Variants in PIK3R4 observed in about 807,000 individuals in gnomAD.
PIK3R4 encodes the protein phosphoinositide 3-kinase regulatory subunit 4.
PIK3R4 carries 46 observed loss-of-function variants against 136.5 expected under a neutral mutation model. The ratio of observed to expected loss-of-function variants is 0.34; its 90% CI spans 0.27 to 0.43. PIK3R4 has a LOEUF of 0.43. PIK3R4 is among the 20% of genes least tolerant of loss of function. The pLI is 1.00. For synonymous variants in PIK3R4, 557 were observed against 566.7 expected (o/e 0.98, Z 0.24); for missense variants, 1,331 against 1,649.5 (o/e 0.81, Z 3.35).
intron 11 of PIK3R4, 31 bp downstream of exon 11, chr3:130,706,917 T>C (rs1370276188): frequency 6.4e-7 from 1 of 1,553,964 alleles, no homozygotes; most frequent in Non-Finnish European, 8.7e-7. Context: ...TCAAAGACAT[T>C]AGGAGGACTA....
intron 8 of PIK3R4, among the ~76,000 whole-genome samples, chr3:130,718,054 T>A (rs1001034669): frequency 6.6e-6 from 1 of 152,216 alleles, no homozygotes; most frequent in African/African-American, 2.4e-5. Flanking sequence ...AGTTATACTT[T>A]TTAAAATAAA....
In PIK3R4 at chr3:130,744,892, A is replaced by G. The variant is rs762490537; in HGVS notation, c.327T>C (p.Asn109=). 1 of 1,614,186 alleles carries G rather than the reference A, an allele frequency of 6.2e-7. No individual in the cohort carries two copies. Among genetic ancestry groups the G allele is most frequent in the Non-Finnish European group, 8.5e-7 (1 of 1,180,022 alleles). Reference sequence around the variant, plus strand: ...GACGGGTACTGATGCGATCATAGAGATTGTCTCGCACATACTGCCTAAAGA... The same window carrying G: ...GACGGGTACTGATGCGATCATAGAGGTTGTCTCGCACATACTGCCTAAAGA... ...AMLFRQYVRD[N]LYDRISTRPF... The change falls in exon 2 of 20, where the codon AAT becomes AAC. Residue 109 remains asparagine (N), a synonymous_variant. Transcript: ENST00000356763.
Position 130,707,049 on chromosome 3 carries a change from C to A in PIK3R4, c.2620G>T (p.Ala874Ser), listed in dbSNP as rs755896196. ...TCCTGATCACTCCCTTTAGGTAGGG[C>A]CTGTGGCATGTTTGGTGGGTCCAGT... ...GSLDPPNMPQ[A>S]LPKGSDQEVI... is the part of the protein sequence containing the mutation. The change falls in exon 11 of 20, where the codon GCC (alanine) becomes TCC (serine). Residue 874 changes from alanine (A) to serine (S), a missense_variant. Physicochemically the swap from Ala to Ser is moderately conservative, Grantham distance 99. Coordinates refer to ENST00000356763, the MANE Select transcript of PIK3R4 (RefSeq NM_014602.3). 64 of 1,612,628 alleles carry A rather than the reference C, an allele frequency of 4.0e-5. No homozygotes were observed. In the African/African-American group the frequency reaches 6.8e-4, roughly 17 times the overall value.
intron 16 of PIK3R4, among the ~76,000 whole-genome samples, chr3:130,684,028 G>A (rs2066474104): frequency 6.6e-6 from 1 of 152,110 alleles, no homozygotes; most frequent in Non-Finnish European, 1.5e-5. Context: ...GATAGGAGAT[G>A]GTGGTGGACA....
At chr3:130,732,236 A>G (rs1366747637) in intron 4 of PIK3R4, among the ~76,000 whole-genome samples, 2 of 152,218 alleles carry the variant, frequency 1.3e-5, no homozygotes, top group East Asian at 3.8e-4. Flanking sequence ...GCTAACCCTT[A>G]CAACAACCTA....
chr3:130,716,878 A>G (rs2066667971), intron 8 of PIK3R4, among the ~76,000 whole-genome samples: 3 of 152,216 alleles, frequency 2.0e-5, no homozygotes, highest in South Asian at 4.1e-4. Flanking sequence ...AGCCTTTTCT[A>G]GATCCCAATA....
chr3:130,723,014 A>G lies in PIK3R4; in HGVS notation c.1981+400T>C, dbSNP rs1411455915. Among the ~76,000 whole-genome samples the G allele has an allele frequency of 2.2e-5, 3 of 137,562 alleles. No homozygotes were observed. The East Asian group carries it at 7.2e-4, about 33-fold the overall frequency. The allele number at this position is 137,562 out of a possible 152,430, so 90.2% of individuals were successfully genotyped here. A position where few individuals can be genotyped will look rare whatever the true frequency, so the allele number is the denominator to read the frequency against. On this transcript the variant is annotated intron_variant, in intron 7 of 19. Transcript: ENST00000356763. The stretch of plus-strand genomic sequence containing the variant: ...CAGAGGTGGAGGTTGCAGTGAGCCA[A>G]GATCACACACTGTACTCCAGCCTGG...
intron 11 of PIK3R4, among the ~76,000 whole-genome samples, chr3:130,706,482 T>TA (rs1409651854): frequency 4.6e-5 from 7 of 152,182 alleles, no homozygotes; most frequent in Admixed American, 3.9e-4. Context: ...TCACACCATA[T>TA]AAACTCACAA....
chr3:130,743,142 A>G (rs1267844209), intron 2 of PIK3R4, among the ~76,000 whole-genome samples: 1 of 152,144 alleles, frequency 6.6e-6, no homozygotes, highest in Non-Finnish European at 1.5e-5. Context: ...TAGGTGTGGT[A>G]GTTCATGCCT....
chr3:130,718,823 T>C (rs1364097256), intron 7 of PIK3R4, among the ~76,000 whole-genome samples: 1 of 152,180 alleles, frequency 6.6e-6, no homozygotes, highest in African/African-American at 2.4e-5. Context: ...TAAAATTGTG[T>C]GGGCACCTAC....
At chr3:130,697,279 G>A (rs948077459) in intron 13 of PIK3R4, among the ~76,000 whole-genome samples, 2 of 151,886 alleles carry the variant, frequency 1.3e-5, no homozygotes, top group African/African-American at 4.8e-5. Context: ...TGCCATGTTG[G>A]CCAGGCTAGT....
rs1427628669 is a variant in PIK3R4 at position 130,716,614 on chromosome 3, T to C, written c.2128-15A>G. 1 of 1,565,472 alleles carries C rather than the reference T, an allele frequency of 6.4e-7. No homozygotes were observed. Among genetic ancestry groups the C allele is most frequent in the Non-Finnish European group, 8.7e-7 (1 of 1,147,206 alleles). ...TTTCTTTCAATCTATATTGGAAAAATAAAAAGGATCAGCCAAAAATATAAC... is the reference window on the plus strand; with the variant it reads ...TTTCTTTCAATCTATATTGGAAAAACAAAAAGGATCAGCCAAAAATATAAC... On this transcript the variant is annotated splice_polypyrimidine_tract_variant and intron_variant, in intron 8 of 19. Coordinates refer to ENST00000356763, the MANE Select transcript of PIK3R4 (RefSeq NM_014602.3).
chr3:130,709,321 C>T (rs2066622203), intron 9 of PIK3R4, among the ~76,000 whole-genome samples: 1 of 152,030 alleles, frequency 6.6e-6, no homozygotes, highest in Non-Finnish European at 1.5e-5. Flanking sequence ...CCACAGAATC[C>T]TCTAGTACAT....
At chr3:130,712,120 C>A (rs2066635964) in intron 9 of PIK3R4, among the ~76,000 whole-genome samples, 1 of 152,032 alleles carries the variant, frequency 6.6e-6, no homozygotes, top group Non-Finnish European at 1.5e-5. Flanking sequence ...GTACAGATTC[C>A]AACTCCCATA....
At chr3:130,701,726 A>C (rs1293651098) in intron 13 of PIK3R4, among the ~76,000 whole-genome samples, 1 of 152,102 alleles carries the variant, frequency 6.6e-6, no homozygotes, top group East Asian at 1.9e-4. Flanking sequence ...ATAGCATACA[A>C]ATTTTATATC....
intron 2 of PIK3R4, among the ~76,000 whole-genome samples, chr3:130,736,378 G>T (rs547817339): frequency 6.6e-6 from 1 of 152,230 alleles, no homozygotes; most frequent in East Asian, 1.9e-4. Context: ...AGACCAGCCT[G>T]GTCAACATGA....
chr3:130,735,696 A>G (rs2066782208), intron 3 of PIK3R4, among the ~76,000 whole-genome samples, 173 bp downstream of exon 3: 1 of 152,148 alleles, frequency 6.6e-6, no homozygotes, highest in Admixed American at 6.5e-5. Context: ...CCTGAAGGGG[A>G]AAAAAACAGT....
At position 130,708,314 on chromosome 3, in the gene PIK3R4, T is replaced by C; in HGVS notation, c.2510A>G (p.Lys837Arg). 6.2e-7 allele frequency: 1 copy of C among 1,613,708 alleles called. No homozygotes were observed. Among genetic ancestry groups the C allele is most frequent in the East Asian group, 2.2e-5 (1 of 44,850 alleles). ...TGRQVDLVKT[K>R]QEPDDKRARK... Reference sequence around the variant, plus strand: ...ACCCCGTTTGTCATCTGGTTCTTGTTTGGTTTTAACAAGATCAACTTGTCT... The same window carrying C: ...ACCCCGTTTGTCATCTGGTTCTTGTCTGGTTTTAACAAGATCAACTTGTCT... Residue 837 changes from lysine to arginine, a missense_variant, in exon 10 of 20, where the codon AAA (lysine) becomes AGA (arginine). Lys to Arg is a conservative substitution (Grantham distance 26). Coordinates refer to ENST00000356763, the MANE Select transcript of PIK3R4 (RefSeq NM_014602.3).
chr3:130,743,173 A>G (rs6793931), intron 2 of PIK3R4, among the ~76,000 whole-genome samples: 45,229 of 151,818 alleles, frequency 0.3, 7,873 homozygotes, highest in African/African-American at 0.47. Flanking sequence ...TACTTTGGAA[A>G]CTTGAGGTGG....
Sources: gnomAD v4.1 joint callset for allele counts (sites outside exome capture counted in the v4.1 genomes callset) on GRCh38, gnomAD v4.1.1 for gene constraint, MANE v1.5 for transcripts, NCBI Gene and HGNC (gene_info 2026-07-23, HGNC 2026-07-21) for gene names.